BICDL1: variants seen among roughly 807,000 people sequenced by gnomAD.
BICDL1 encodes BICD family-like cargo adapter 1.
BICDL1 carries 20 observed loss-of-function variants against 76.8 expected under a neutral mutation model. The observed-to-expected ratio is 0.26, with a 90% CI of 0.18 to 0.38. BICDL1 has a LOEUF of 0.38. BICDL1 is among the 10% of genes least tolerant of loss of function. The pLI is 1.00. For synonymous variants in BICDL1, 383 were observed against 337.1 expected (o/e 1.14, Z -1.49); for missense variants, 700 against 798.6 (o/e 0.88, Z 1.49).
At chr12:120,004,073 G>A (rs777833106) in intron 2 of BICDL1, among the ~76,000 whole-genome samples, 1 of 152,234 alleles carries the variant, frequency 6.6e-6, no homozygotes, top group Non-Finnish European at 1.5e-5. Context: ...TTGCTTCTGA[G>A]CAGAGCCTCA....
chr12:120,007,611 C>T (rs975138456), intron 2 of BICDL1, among the ~76,000 whole-genome samples: 24 of 152,194 alleles, frequency 1.6e-4, no homozygotes, highest in African/African-American at 5.5e-4. Flanking sequence ...ATGCCTTATC[C>T]ACACACAAAG....
intron 8 of BICDL1, among the ~76,000 whole-genome samples, chr12:120,089,365 G>C (rs1286346548): frequency 1.3e-5 from 2 of 150,730 alleles, no homozygotes; most frequent in East Asian, 3.9e-4. Context: ...ACGGAGTTCT[G>C]CTCTTTCAAC....
At chr12:120,055,898 A>T (rs1247233959) in intron 2 of BICDL1, among the ~76,000 whole-genome samples, 1 of 152,234 alleles carries the variant, frequency 6.6e-6, no homozygotes, top group Non-Finnish European at 1.5e-5. Context: ...GAATGTGCGT[A>T]TTCTTTTACC....
chr12:120,021,246 A>C (rs1952172471), intron 2 of BICDL1, among the ~76,000 whole-genome samples: 1 of 150,406 alleles, frequency 6.6e-6, no homozygotes, highest in African/African-American at 2.5e-5. Flanking sequence ...ATGGTACCAG[A>C]GCACTCCAGC....
chr12:120,092,839 C>T, intron 9 of BICDL1, 161 bp from the exon 10 acceptor site: 1 of 985,386 alleles, frequency 1.0e-6, no homozygotes, highest in East Asian at 1.1e-4. Flanking sequence ...TGGTGTCTTG[C>T]CCACGCTCAC....
intron 1 of BICDL1, among the ~76,000 whole-genome samples, chr12:119,995,011 A>G (rs1236378637): frequency 6.6e-6 from 1 of 152,160 alleles, no homozygotes; most frequent in East Asian, 1.9e-4. Flanking sequence ...CTGTTCCAGG[A>G]TACCATATTA....
At chr12:120,014,563 G>A (rs570820862) in intron 2 of BICDL1, among the ~76,000 whole-genome samples, 31 of 152,022 alleles carry the variant, frequency 2.0e-4, no homozygotes, top group African/African-American at 6.5e-4. Context: ...GTGGTGGCGC[G>A]TGCCTTTCAT....
At chr12:120,033,991 T>C (rs1952483605) in intron 2 of BICDL1, among the ~76,000 whole-genome samples, 1 of 152,186 alleles carries the variant, frequency 6.6e-6, no homozygotes, top group Non-Finnish European at 1.5e-5. Context: ...GTTCAGGCAT[T>C]GGCTTTTGAA....
intron 2 of BICDL1, among the ~76,000 whole-genome samples, chr12:120,003,460 A>G (rs1951797404): frequency 6.6e-6 from 1 of 152,216 alleles, no homozygotes; most frequent in Non-Finnish European, 1.5e-5. Flanking sequence ...TCAAGAATAC[A>G]CTACCCCTCC....
intron 2 of BICDL1, among the ~76,000 whole-genome samples, chr12:120,053,750 G>A (rs1185349001): frequency 6.6e-6 from 1 of 152,220 alleles, no homozygotes; most frequent in Non-Finnish European, 1.5e-5. Flanking sequence ...AGCAAGATTT[G>A]AGTGCTATGC....
At chr12:120,014,694 A>AC (rs1316469476) in intron 2 of BICDL1, among the ~76,000 whole-genome samples, 1 of 151,880 alleles carries the variant, frequency 6.6e-6, no homozygotes, top group African/African-American at 2.4e-5. Flanking sequence ...CATCTCAAAA[A>AC]AAAAAAAAAG....
At chr12:120,081,291 C>A in intron 8 of BICDL1, among the ~76,000 whole-genome samples, 1 of 149,054 alleles carries the variant, frequency 6.7e-6, no homozygotes, top group African/African-American at 2.5e-5. Context: ...TTTTAGACAT[C>A]AATAGGATGA....
intron 9 of BICDL1, chr12:120,092,621 C>G: frequency 1.0e-6 from 1 of 985,410 alleles, no homozygotes; most frequent in Non-Finnish European, 1.2e-6. Context: ...CAAGCCAAAC[C>G]GGAGGCACCA....
Position 120,089,947 on chromosome 12 carries a change from T to C in BICDL1, c.1584-4T>C. 4 of 1,613,992 alleles carry C rather than the reference T, an allele frequency of 2.5e-6. No individual in the cohort carries two copies. Among genetic ancestry groups the C allele is most frequent in the Non-Finnish European group, 3.4e-6 (4 of 1,179,910 alleles). ...CATGTTCACCCTGGCTTGTCTGTTC[T>C]CAGGAAGAATGCTGTGGAGCTGGAA... On this transcript the variant is annotated splice_polypyrimidine_tract_variant and splice_region_variant and intron_variant, in intron 8 of 9. Transcript: ENST00000548673.
chr12:120,081,051 TA>T, intron 8 of BICDL1, 34 bp downstream of exon 8: 8 of 1,602,372 alleles, frequency 5.0e-6, no homozygotes, highest in Non-Finnish European at 6.8e-6. Flanking sequence ...ATTCTTAAGA[TA>T]AAGTTGAGTA....
rs57707988 is a variant in BICDL1, at chr12:120,058,791, A to G, written c.646-2919A>G. 1.6e-3 allele frequency among the ~76,000 whole-genome samples: 237 copies of G among 152,054 alleles called. 1 individual carries two copies. The highest frequency in any genetic ancestry group is 5.3e-3 in the African/African-American group (218 of 41,490). On this transcript the variant is annotated intron_variant, in intron 2 of 9. Coordinates refer to ENST00000548673, the MANE Select transcript of BICDL1 (RefSeq NM_001367886.1). ...TTTTTAGTAGAGACTGGGTTTTACC[A>G]TGTTGGCCAGGCTGGTCTCAAACTC...
intron 2 of BICDL1, among the ~76,000 whole-genome samples, chr12:119,999,593 T>C (rs59064739): frequency 0.026 from 3,898 of 152,340 alleles, 169 homozygotes; most frequent in African/African-American, 0.088. Context: ...TTTGTACCTT[T>C]CTAAGGTGGT....
intron 8 of BICDL1, among the ~76,000 whole-genome samples, chr12:120,082,201 G>T (rs1485182035): frequency 6.6e-6 from 1 of 152,096 alleles, no homozygotes; most frequent in Non-Finnish European, 1.5e-5. Context: ...GGGTTTGATT[G>T]CATCCCATAG....
At chr12:120,073,959 G>A (rs2138954924) in intron 6 of BICDL1, among the ~76,000 whole-genome samples, 1 of 152,188 alleles carries the variant, frequency 6.6e-6, no homozygotes, top group South Asian at 2.1e-4. Flanking sequence ...TCGCTCTGTT[G>A]CCCAGGCTGG....
Sources: allele counts gnomAD v4.1 joint callset (sites outside exome capture counted in the v4.1 genomes callset), GRCh38; gene constraint gnomAD v4.1.1; transcripts MANE v1.5; gene names NCBI Gene and HGNC (gene_info 2026-07-23, HGNC 2026-07-21).